The following UNC93A variants were observed in gnomAD, a reference collection of about 807,000 sequenced individuals.
The protein encoded by UNC93A is N-acetylglucosamine transporter UNC93A.
A neutral mutation model predicts 47.5 loss-of-function variants in UNC93A; 43 were observed. That is an observed-to-expected ratio of 0.91 (90% CI 0.71 to 1.17). UNC93A has a LOEUF of 1.17. Ranked by LOEUF, UNC93A falls within the 50% of genes most tolerant of loss-of-function variation. The pLI, the probability that UNC93A is intolerant of heterozygous loss-of-function variation, is 0.00. For synonymous variants in UNC93A, 280 were observed against 258.0 expected (o/e 1.09, Z -0.82); for missense variants, 605 against 577.6 (o/e 1.05, Z -0.49).
At chr6:167,311,823 A>G (rs1210524240) in intron 7 of UNC93A, among the ~76,000 whole-genome samples, 1 of 152,298 alleles carries the variant, frequency 6.6e-6, no homozygotes, top group African/African-American at 2.4e-5. Flanking sequence ...GTACCAACCT[A>G]TAGATCCAAT....
intron 7 of UNC93A, among the ~76,000 whole-genome samples, chr6:167,308,929 A>C (rs910019988): frequency 3.9e-5 from 6 of 152,120 alleles, no homozygotes; most frequent in Admixed American, 1.3e-4. Context: ...AAGTCCTCAC[A>C]GAATAGGGTG....
In UNC93A at chr6:167,296,132, G is replaced by C. The variant is rs1468303539; in HGVS notation, c.370G>C (p.Glu124Gln). ...YLTITGNTHA[E>Q]KAGKRGKDMV... ...CACGATCACGGGAAACACACATGCAGAGAAGGCGGGAAAGCGTGGCAAAGA... is the reference window on the plus strand; with the variant it reads ...CACGATCACGGGAAACACACATGCACAGAAGGCGGGAAAGCGTGGCAAAGA... The change falls in exon 3 of 8, where the codon GAG (glutamate) becomes CAG (glutamine). Residue 124 changes from glutamate to glutamine, a missense_variant. Glu to Gln is a conservative substitution (Grantham distance 29). Coordinates refer to ENST00000230256, the MANE Select transcript of UNC93A (RefSeq NM_018974.4). The C allele has an allele frequency of 6.2e-7, 1 of 1,614,254 alleles. No homozygotes were observed. The highest frequency in any genetic ancestry group is 8.5e-7 in the Non-Finnish European group (1 of 1,180,052).
intron 5 of UNC93A, among the ~76,000 whole-genome samples, chr6:167,305,220 G>A (rs1474867506): frequency 6.6e-6 from 1 of 152,240 alleles, no homozygotes; most frequent in African/African-American, 2.4e-5. Context: ...AGGCCATAGT[G>A]GGTGTCCTCA....
At chr6:167,298,220 A>C in intron 4 of UNC93A, 150 bp downstream of exon 4, 1 of 1,268,366 alleles carries the variant, frequency 7.9e-7, no homozygotes, top group Non-Finnish European at 1.1e-6. Flanking sequence ...GATTATATGC[A>C]GGCGGTGTTC....
chr6:167,304,572 CT>C (rs1238478085), intron 5 of UNC93A, among the ~76,000 whole-genome samples: 1 of 149,190 alleles, frequency 6.7e-6, no homozygotes, highest in Admixed American at 6.6e-5. Context: ...TTTTTTCTTT[CT>C]TTTTTTCTTT....
chr6:167,286,977 CAAAAAAAAA>C (rs548370859), upstream of UNC93A, among the ~76,000 whole-genome samples: 273 of 110,024 alleles, frequency 2.5e-3, 3 homozygotes, highest in African/African-American at 8.2e-3. Flanking sequence ...GACTCTGTCT[CAAAAAAAAA>C]AAAAAAAAAA....
At chr6:167,302,392 G>T (rs1352757450) in intron 4 of UNC93A, among the ~76,000 whole-genome samples, 1 of 152,140 alleles carries the variant, frequency 6.6e-6, no homozygotes, top group Non-Finnish European at 1.5e-5. Flanking sequence ...AGGTAGAAAT[G>T]AACCGTTCTG....
In UNC93A at chr6:167,307,786, G is replaced by T. The variant is rs1434272413; in HGVS notation, c.984G>T (p.Val328=). 1 of 1,593,268 alleles carries T rather than the reference G, an allele frequency of 6.3e-7. No homozygotes were observed. Among genetic ancestry groups the T allele is most frequent in the South Asian group, 1.1e-5 (1 of 90,130 alleles). ...GRAVLYVLGA[V]THVSCMIALL... is the part of the protein sequence containing the mutation. ...TCCCCTCTGCACCCCCAGGCGCGGT[G>T]ACCCACGTGTCCTGCATGATTGCCC... Residue 328 remains valine, a synonymous_variant, in exon 7 of 8, where the codon GTG becomes GTT. Coordinates refer to ENST00000230256, the MANE Select transcript of UNC93A (RefSeq NM_018974.4).
chr6:167,307,573 G>A (rs987820418), intron 6 of UNC93A, among the ~76,000 whole-genome samples: 1 of 150,564 alleles, frequency 6.6e-6, no homozygotes, highest in African/African-American at 2.5e-5. Flanking sequence ...GGTTCCAGAG[G>A]ACGGTTGAGA....
chr6:167,301,274 C>T (rs750696816), intron 4 of UNC93A, among the ~76,000 whole-genome samples: 8 of 152,226 alleles, frequency 5.3e-5, no homozygotes, highest in Non-Finnish European at 1.2e-4. Context: ...TCACGGAATC[C>T]CGCAGCCTAA....
chr6:167,306,645 G>A (rs1056224143), intron 6 of UNC93A, among the ~76,000 whole-genome samples: 2 of 152,238 alleles, frequency 1.3e-5, no homozygotes, highest in South Asian at 2.1e-4. Context: ...GCAGCCAGAG[G>A]AAGGGCACAC....
chr6:167,285,938 T>TTCTTTCTCTCTCTC (rs1554237635), intron 1 of UNC93A, among the ~76,000 whole-genome samples: 9 of 131,776 alleles, frequency 6.8e-5, no homozygotes, highest in African/African-American at 2.7e-4. Flanking sequence ...TTAGTTTTCT[T>TTCTTTCTCTCTCTC]TCTCTCTCTC....
intron 1 of UNC93A, among the ~76,000 whole-genome samples, chr6:167,291,906 A>G (rs1298599385): frequency 6.6e-6 from 1 of 152,164 alleles, no homozygotes; most frequent in Non-Finnish European, 1.5e-5. Context: ...TGTGAATTCT[A>G]TGATTGATTG....
At position 167,296,268 on chromosome 6, in the gene UNC93A, G is replaced by A; in HGVS notation, c.499+7G>A. On this transcript the variant is annotated splice_region_variant and intron_variant, in intron 3 of 7. Transcript: ENST00000230256. ...GGCCAGACTCCCAGCCAAGGTAAAAGGAAAAGGGGCAAGCAATTGTCTCCA... is the reference window on the plus strand; with the variant it reads ...GGCCAGACTCCCAGCCAAGGTAAAAAGAAAAGGGGCAAGCAATTGTCTCCA... The A allele has an allele frequency of 1.9e-6, 3 of 1,614,040 alleles. No individual in the cohort carries two copies. Among genetic ancestry groups the A allele is most frequent in the Non-Finnish European group, 1.7e-6 (2 of 1,179,894 alleles).
intron 7 of UNC93A, among the ~76,000 whole-genome samples, chr6:167,311,200 C>T (rs1329750041): frequency 6.6e-6 from 1 of 152,218 alleles, no homozygotes; most frequent in African/African-American, 2.4e-5. Flanking sequence ...CACGTATGTT[C>T]TTAATTAACG....
rs1024907887 is a variant in UNC93A, at chr6:167,300,470, G to A, written c.625+2400G>A. Among the ~76,000 whole-genome samples the A allele has an allele frequency of 2.0e-5, 3 of 152,074 alleles. No homozygotes were observed. In the East Asian group the frequency reaches 5.8e-4, roughly 29 times the overall value. ...GGCAGGGCCCCTAGGAGGCTCAGGG[G>A]GGAGGCTGGACGAGGCTCTTAGCCA... is the stretch of plus-strand genomic sequence containing the variant. On this transcript the variant is annotated intron_variant, in intron 4 of 7. Transcript: ENST00000230256.
intron 2 of UNC93A, 54 bp from the exon 3 acceptor site, chr6:167,295,978 T>C: frequency 6.5e-7 from 1 of 1,534,224 alleles, no homozygotes; most frequent in Non-Finnish European, 9.0e-7. Flanking sequence ...GGGACATGGG[T>C]GCAATGGGCT....
At chr6:167,273,094 C>T (rs759859396) in intron 1 of UNC93A, among the ~76,000 whole-genome samples, 3 of 152,190 alleles carry the variant, frequency 2.0e-5, no homozygotes, top group Non-Finnish European at 2.9e-5. Context: ...CTAACGTGAA[C>T]GTGCTCCTCT....
At chr6:167,275,052 C>T (rs1008063741) in intron 1 of UNC93A, among the ~76,000 whole-genome samples, 3 of 152,182 alleles carry the variant, frequency 2.0e-5, no homozygotes, top group African/African-American at 7.2e-5. Context: ...GGCAGCAACA[C>T]CACGTGGAAG....
Sources: gnomAD v4.1 joint callset for allele counts (sites outside exome capture counted in the v4.1 genomes callset) on GRCh38, gnomAD v4.1.1 for gene constraint, MANE v1.5 for transcripts, NCBI Gene and HGNC (gene_info 2026-07-23, HGNC 2026-07-21) for gene names.